PTPRM: variants seen among roughly 807,000 people sequenced by gnomAD.
The protein encoded by PTPRM is receptor-type tyrosine-protein phosphatase mu.
In PTPRM, 47 loss-of-function variants were observed where a neutral mutation model predicts 186.7. That is an observed-to-expected ratio of 0.25 (90% CI 0.20 to 0.32). The LOEUF (loss-of-function observed/expected upper bound fraction) is 0.32, where lower values mean the gene tolerates loss of function less well. Ranked by LOEUF, PTPRM falls within the 10% of genes least tolerant of loss-of-function variation. PTPRM has a pLI of 1.00. For missense variants in PTPRM, 1,494 were observed against 1,865.0 expected (o/e 0.80, Z 3.66); for synonymous variants, 668 against 674.9 (o/e 0.99, Z 0.16).
At chr18:7,592,832 G>C (rs969632561) in intron 1 of PTPRM, among the ~76,000 whole-genome samples, 7 of 152,194 alleles carry the variant, frequency 4.6e-5, no homozygotes, top group African/African-American at 1.7e-4. Flanking sequence ...GTGTGAGCTG[G>C]GGAAGTGTTG....
At chr18:8,072,879 A>C (rs2089573051) in intron 8 of PTPRM, among the ~76,000 whole-genome samples, 2 of 152,166 alleles carry the variant, frequency 1.3e-5, no homozygotes, top group Admixed American at 6.5e-5. Context: ...ATCTTCCGTA[A>C]CTTAATTAGT....
At position 7,774,169 on chromosome 18, in the gene PTPRM, C is replaced by T. The variant is rs1363354244; in HGVS notation, c.94C>T (p.Pro32Ser). Residue 32 changes from proline to serine, a missense_variant, in exon 2 of 33, where the codon CCG becomes TCG. Around this residue, in one of 3 missense-constraint regions of PTPRM, gnomAD observed 296 missense variants for 345.5 expected, o/e 0.86. Transcript: ENST00000580170. The stretch of plus-strand genomic sequence containing the variant: ...TTTAGGTGGCTGCCTCTTTGATGAG[C>T]CGTATAGCACATGTGGATATAGTCA... ...TFSGGCLFDE[P>S]YSTCGYSQSE... 6.2e-7 allele frequency: 1 copy of T among 1,611,244 alleles called. No individual in the cohort carries two copies. Among genetic ancestry groups the T allele is most frequent in the Non-Finnish European group, 8.5e-7 (1 of 1,177,600 alleles).
At chr18:7,933,830 GT>G (rs1482767426) in intron 5 of PTPRM, among the ~76,000 whole-genome samples, 1 of 152,204 alleles carries the variant, frequency 6.6e-6, no homozygotes, top group Non-Finnish European at 1.5e-5. Context: ...ATAGAATGTA[GT>G]GGTGCCTCTG....
intron 7 of PTPRM, among the ~76,000 whole-genome samples, chr18:7,999,629 A>G (rs1340634380): frequency 6.6e-6 from 1 of 151,714 alleles, no homozygotes; most frequent in Non-Finnish European, 1.5e-5. Flanking sequence ...GTTGGTGCAA[A>G]ATTGACAATG....
chr18:7,701,602 A>AT (rs2039968750), intron 1 of PTPRM, among the ~76,000 whole-genome samples: 1 of 152,080 alleles, frequency 6.6e-6, no homozygotes, highest in South Asian at 2.1e-4. Context: ...CGTCTCAAAA[A>AT]ATATATATAT....
intron 7 of PTPRM, among the ~76,000 whole-genome samples, chr18:7,987,591 G>T (rs1456469216): frequency 6.6e-6 from 1 of 152,212 alleles, no homozygotes; most frequent in African/African-American, 2.4e-5. Flanking sequence ...AAAGGATGGG[G>T]AATGGGGACC....
chr18:8,231,825 A>T (rs955487106), intron 14 of PTPRM, among the ~76,000 whole-genome samples: 1 of 152,154 alleles, frequency 6.6e-6, no homozygotes, highest in Admixed American at 6.5e-5. Flanking sequence ...AAGTGAGCAG[A>T]AAATACGGAG....
chr18:7,763,484 T>G (rs1398813165), intron 1 of PTPRM, among the ~76,000 whole-genome samples: 1 of 152,172 alleles, frequency 6.6e-6, no homozygotes, highest in African/African-American at 2.4e-5. Context: ...ATATCTCCTT[T>G]TGATGCAAAG....
intron 2 of PTPRM, among the ~76,000 whole-genome samples, chr18:7,846,390 G>A (rs1864943872): frequency 6.6e-6 from 1 of 152,188 alleles, no homozygotes; most frequent in African/African-American, 2.4e-5. Flanking sequence ...AAGAATCATA[G>A]GTAACTTCAA....
intron 1 of PTPRM, among the ~76,000 whole-genome samples, chr18:7,663,287 CT>C (rs2144403712): frequency 1.3e-5 from 2 of 151,444 alleles, no homozygotes; most frequent in South Asian, 4.1e-4. Context: ...AAACTTAACT[CT>C]ACTGGTGACC....
intron 1 of PTPRM, among the ~76,000 whole-genome samples, chr18:7,678,308 C>T (rs1210795683): frequency 6.6e-6 from 1 of 152,176 alleles, no homozygotes; most frequent in Non-Finnish European, 1.5e-5. Context: ...ACACCTATTT[C>T]TCCAGCTAAT....
intron 1 of PTPRM, among the ~76,000 whole-genome samples, chr18:7,734,265 G>T (rs1037153318): frequency 1.3e-5 from 2 of 152,152 alleles, no homozygotes; most frequent in Non-Finnish European, 2.9e-5. Flanking sequence ...TGTGGAGGAG[G>T]ATCTACAGGA....
intron 20 of PTPRM, among the ~76,000 whole-genome samples, chr18:8,297,646 A>T (rs573620630): frequency 5.9e-5 from 9 of 152,284 alleles, no homozygotes; most frequent in African/African-American, 2.2e-4. Context: ...AACTATTTTT[A>T]ATTTAAACAG....
intron 14 of PTPRM, among the ~76,000 whole-genome samples, chr18:8,208,106 C>T (rs886383615): frequency 6.6e-6 from 1 of 152,218 alleles, no homozygotes; most frequent in African/African-American, 2.4e-5. Flanking sequence ...GCATGGTCAG[C>T]AACCATAACC....
chr18:7,591,319 CTTA>C (rs2037120289), intron 1 of PTPRM, among the ~76,000 whole-genome samples: 1 of 152,130 alleles, frequency 6.6e-6, no homozygotes, highest in African/African-American at 2.4e-5. Flanking sequence ...TCTCTACAAC[CTTA>C]TTAAGCATTT....
chr18:7,925,922 G>A (rs369046136), intron 4 of PTPRM, among the ~76,000 whole-genome samples: 10 of 152,070 alleles, frequency 6.6e-5, no homozygotes, highest in Non-Finnish European at 1.2e-4. Flanking sequence ...TGTACATTAC[G>A]AGACAATGGT....
At chr18:7,569,460 G>T (rs1468954940) in intron 1 of PTPRM, among the ~76,000 whole-genome samples, 4 of 152,158 alleles carry the variant, frequency 2.6e-5, no homozygotes, top group African/African-American at 9.7e-5. Flanking sequence ...TGCAGAATTT[G>T]GTCTGTGTTC....
chr18:7,943,103 A>G (rs1301261578), intron 5 of PTPRM, among the ~76,000 whole-genome samples: 2 of 151,808 alleles, frequency 1.3e-5, no homozygotes, highest in East Asian at 3.9e-4. Flanking sequence ...GCCTCTCCCC[A>G]TCCTTGCCCT....
rs1219376308 is a variant in PTPRM, at chr18:8,088,778, A to G, written c.1783A>G (p.Thr595Ala). 6.2e-7 allele frequency: 1 copy of G among 1,613,140 alleles called. No individual in the cohort carries two copies. Among genetic ancestry groups the G allele is most frequent in the Non-Finnish European group, 8.5e-7 (1 of 1,179,286 alleles). ...CTCTATGCCAGCTTATGAACTTGAG[A>G]CACCTTTGAATCAAACTGACAATAC... is the stretch of plus-strand genomic sequence containing the variant. The part of the protein sequence containing the change: ...APSMPAYELE[T>A]PLNQTDNTVT... Residue 595 changes from threonine (T) to alanine (A), a missense_variant, in exon 11 of 33, where the codon ACA (threonine) becomes GCA (alanine). This residue lies in a region of PTPRM where 1,107 missense variants were observed against 1,350.2 expected (regional missense o/e 0.82). Transcript: ENST00000580170.
Sources: allele counts gnomAD v4.1 joint callset (sites outside exome capture counted in the v4.1 genomes callset), GRCh38; gene constraint gnomAD v4.1.1; regional missense constraint gnomAD v4.1.1; transcripts MANE v1.5; gene names NCBI Gene and HGNC (gene_info 2026-07-23, HGNC 2026-07-21).